Variants in WDR72 observed in about 807,000 individuals in gnomAD.
The protein encoded by WDR72 is WD repeat domain 72, also known as WD repeat-containing protein 72.
In WDR72, 120 loss-of-function variants were observed where a neutral mutation model predicts 124.2. The observed-to-expected ratio is 0.97, with a 90% CI of 0.83 to 1.12. The LOEUF is 1.12. WDR72 is among the 50% of genes most tolerant of loss of function. The pLI is 0.00. For synonymous variants in WDR72, 452 were observed against 441.7 expected (o/e 1.02, Z -0.29); for missense variants, 1,387 against 1,278.8 (o/e 1.08, Z -1.29).
At chr15:53,712,602 C>CG (rs1439918026) in intron 7 of WDR72, among the ~76,000 whole-genome samples, 170 bp downstream of exon 7, 1 of 119,826 alleles carries the variant, frequency 8.3e-6, no homozygotes, top group African/African-American at 2.9e-5. Context: ...ACCACCCCAC[C>CG]GCCAAAAAAA....
intron 13 of WDR72, among the ~76,000 whole-genome samples, chr15:53,690,086 G>T: frequency 8.2e-6 from 1 of 121,402 alleles, no homozygotes. Context: ...GGAGGGGGGA[G>T]GGATAGCACT....
chr15:53,605,630 G>C (rs1239874493), intron 17 of WDR72, among the ~76,000 whole-genome samples: 1 of 152,182 alleles, frequency 6.6e-6, no homozygotes, highest in East Asian at 1.9e-4. Flanking sequence ...CAAGGCGGGG[G>C]GATCATTTGA....
At chr15:53,596,978 T>C (rs112504415) in intron 18 of WDR72, 101 bp downstream of exon 18, 12 of 1,136,228 alleles carry the variant, frequency 1.1e-5, no homozygotes, top group African/African-American at 4.6e-5. Flanking sequence ...TTGTGCACCA[T>C]GATATAATCG....
intron 14 of WDR72, among the ~76,000 whole-genome samples, chr15:53,633,901 C>A (rs2014525794): frequency 6.6e-6 from 1 of 151,944 alleles, no homozygotes. Context: ...AACATATGTA[C>A]CAGTGATATA....
At chr15:53,706,375 T>TATATATATATATAC (rs1486308295) in intron 9 of WDR72, among the ~76,000 whole-genome samples, 5 of 115,812 alleles carry the variant, frequency 4.3e-5, no homozygotes, top group African/African-American at 2.3e-4. Flanking sequence ...TATATATATA[T>TATATATATATATAC]ATATATATAT....
In WDR72 at chr15:53,706,990, A is replaced by G. The variant is rs576700741; in HGVS notation, c.955-916T>C. 7.2e-5 allele frequency among the ~76,000 whole-genome samples: 11 copies of G among 152,294 alleles called. No homozygotes were observed. The East Asian group carries it at 2.1e-3, about 29-fold the overall frequency. On this transcript the variant is annotated intron_variant, in intron 9 of 19. Transcript: ENST00000360509. ...GAGCATCCCTAGTCCTTCTCAGGGCAGTATAGCTGTTCTTCGGGCAGGTTT... is the reference window on the plus strand; with the variant it reads ...GAGCATCCCTAGTCCTTCTCAGGGCGGTATAGCTGTTCTTCGGGCAGGTTT...
chr15:53,722,693 G>T, intron 3 of WDR72, 109 bp downstream of exon 3: 1 of 901,112 alleles, frequency 1.1e-6, no homozygotes, highest in Non-Finnish European at 1.9e-6. Flanking sequence ...TATGTGAGAG[G>T]CACATGTTGA....
rs780630559 is a variant in WDR72 at position 53,615,677 on chromosome 15, C to A, written c.2529G>T (p.Leu843Phe). ...CACTATTGCATAAATCCCAACCTGG[C>A]AACATCAGTGAGAAATTATCTTCAT... is the stretch of plus-strand genomic sequence containing the variant. ...SLNEDNFSLMLPGWDLCNSGM... is the reference protein window; with the variant it reads ...SLNEDNFSLMFPGWDLCNSGM... The change falls in exon 15 of 20, where the codon TTG (leucine) becomes TTT (phenylalanine). Residue 843 changes from leucine (L) to phenylalanine (F), a missense_variant. Coordinates refer to ENST00000360509, the MANE Select transcript of WDR72 (RefSeq NM_182758.4). 7 of 1,611,678 alleles carry A rather than the reference C, an allele frequency of 4.3e-6. No individual in the cohort carries two copies. In the Admixed American group the frequency reaches 8.4e-5, roughly 19 times the overall value.
chr15:53,634,394 A>G (rs1410339326), intron 14 of WDR72, among the ~76,000 whole-genome samples: 2 of 152,214 alleles, frequency 1.3e-5, no homozygotes, highest in African/African-American at 4.8e-5. Context: ...CCTCTAACCC[A>G]GTGGTGTCAA....
At chr15:53,746,647 T>G (rs2018650621) in intron 1 of WDR72, among the ~76,000 whole-genome samples, 1 of 152,126 alleles carries the variant, frequency 6.6e-6, no homozygotes, top group African/African-American at 2.4e-5. Flanking sequence ...TCAAAACTCA[T>G]AGGTACTGTG....
chr15:53,626,406 G>A (rs546015453), intron 14 of WDR72, among the ~76,000 whole-genome samples: 15 of 152,288 alleles, frequency 9.8e-5, no homozygotes, highest in Non-Finnish European at 1.9e-4. Flanking sequence ...TGGATCAGGA[G>A]CACAGCGGAC....
chr15:53,620,087 TACAA>T (rs1290296026), intron 14 of WDR72, among the ~76,000 whole-genome samples: 1 of 152,044 alleles, frequency 6.6e-6, no homozygotes, highest in Non-Finnish European at 1.5e-5. Flanking sequence ...CTTAAAATGT[TACAA>T]ACTCTTTAAT....
At chr15:53,633,603 TA>T (rs1223884841) in intron 14 of WDR72, among the ~76,000 whole-genome samples, 1 of 152,218 alleles carries the variant, frequency 6.6e-6, no homozygotes, top group Admixed American at 6.5e-5. Flanking sequence ...CATGAATATT[TA>T]TGTATCTAAC....
chr15:53,531,030 A>G (rs1892428490), intron 18 of WDR72, among the ~76,000 whole-genome samples: 1 of 152,042 alleles, frequency 6.6e-6, no homozygotes, highest in African/African-American at 2.4e-5. Context: ...GAGCTCTTTC[A>G]TCTCCCAGAT....
chr15:53,596,344 C>T (rs4451891), intron 18 of WDR72, among the ~76,000 whole-genome samples: 2 of 151,692 alleles, frequency 1.3e-5, no homozygotes, highest in African/African-American at 2.4e-5. Flanking sequence ...GCTAACATTA[C>T]GATAAAAATC....
chr15:53,623,172 C>T (rs982282255), intron 14 of WDR72, among the ~76,000 whole-genome samples: 9 of 151,982 alleles, frequency 5.9e-5, no homozygotes, highest in African/African-American at 1.9e-4. Flanking sequence ...TCAGGGGCTA[C>T]ATCTGCAGAT....
intron 7 of WDR72, 92 bp downstream of exon 7, chr15:53,712,680 G>T: frequency 2.4e-6 from 3 of 1,238,322 alleles, no homozygotes; most frequent in East Asian, 2.5e-5. Context: ...CAGAGAATTT[G>T]TATCATATTT....
chr15:53,516,228 A>G lies in WDR72; in HGVS notation c.*1471T>C, dbSNP rs1206590972. On this transcript the variant is annotated 3_prime_UTR_variant, in exon 20 of 20. Coordinates refer to ENST00000360509, the MANE Select transcript of WDR72 (RefSeq NM_182758.4). ...TCAAGCAGTAAAATCATATTTTAGGAAACAAAGAATGCACACTTTAATCTA... is the reference window on the plus strand; with the variant it reads ...TCAAGCAGTAAAATCATATTTTAGGGAACAAAGAATGCACACTTTAATCTA... 6.6e-6 allele frequency: 1 copy of G among 152,180 alleles called. No individual in the cohort carries two copies. The highest frequency in any genetic ancestry group is 1.5e-5 in the Non-Finnish European group (1 of 68,008). 9.4% of individuals were successfully genotyped at this position (152,180 alleles called of 1,614,324 possible). A position where few individuals can be genotyped will look rare whatever the true frequency, so the allele number is the denominator to read the frequency against.
At chr15:53,716,092 C>T (rs1021921916) in intron 4 of WDR72, among the ~76,000 whole-genome samples, 1 of 152,122 alleles carries the variant, frequency 6.6e-6, no homozygotes, top group African/African-American at 2.4e-5. Flanking sequence ...AAAACACGGT[C>T]AGCACCATTG....
Sources: gnomAD v4.1 joint callset for allele counts (sites outside exome capture counted in the v4.1 genomes callset) on GRCh38, gnomAD v4.1.1 for gene constraint, MANE v1.5 for transcripts, NCBI Gene and HGNC (gene_info 2026-07-23, HGNC 2026-07-21) for gene names.